The following ARHGAP42 variants were observed in gnomAD, a reference collection of about 807,000 sequenced individuals.
ARHGAP42 encodes rho GTPase-activating protein 42.
Under a neutral mutation model 125.0 loss-of-function variants are expected in ARHGAP42, and 63 were observed. The ratio of observed to expected loss-of-function variants is 0.50; its 90% CI spans 0.41 to 0.62. ARHGAP42 has a LOEUF of 0.62. Among genes scored for constraint, ARHGAP42 ranks in the 20% least tolerant of loss-of-function variants. ARHGAP42 has a pLI of 0.00. For synonymous variants in ARHGAP42, 339 were observed against 351.0 expected, an observed-to-expected ratio of 0.97 and a Z score of 0.38; for missense variants, 766 against 1,024.2, an observed-to-expected ratio of 0.75 and a Z score of 3.44.
rs1858073722 is a variant in ARHGAP42 at position 100,965,702 on chromosome 11, T to C, written c.1476T>C (p.Ala492=). 6.4e-7 allele frequency: 1 copy of C among 1,550,816 alleles called. No individual in the cohort carries two copies. The highest frequency in any genetic ancestry group is 8.7e-7 in the Non-Finnish European group (1 of 1,146,900). Reference sequence around the variant, plus strand: ...ATGATCAAAACTACAGGGTGGAGGCTGTACATGCATTGGTGCACAAATTGC... The same window carrying C: ...ATGATCAAAACTACAGGGTGGAGGCCGTACATGCATTGGTGCACAAATTGC... ...KSDDQNYRVE[A]VHALVHKLPE... The change falls in exon 17 of 24, where the codon GCT becomes GCC. Residue 492 remains alanine (A), a synonymous_variant. Transcript: ENST00000298815.
intron 12 of ARHGAP42, among the ~76,000 whole-genome samples, chr11:100,950,394 G>GT (rs1159170170): frequency 1.3e-5 from 2 of 149,710 alleles, no homozygotes; most frequent in Non-Finnish European, 3.0e-5. Flanking sequence ...ATATAACACA[G>GT]TGGAGAGCTT....
At chr11:100,711,772 C>T (rs747027319) in intron 1 of ARHGAP42, among the ~76,000 whole-genome samples, 2 of 152,158 alleles carry the variant, frequency 1.3e-5, no homozygotes, top group South Asian at 2.1e-4. Flanking sequence ...TAACTGGGCA[C>T]TACACACAGG....
intron 1 of ARHGAP42, among the ~76,000 whole-genome samples, chr11:100,767,032 T>G (rs1410899753): frequency 6.6e-6 from 1 of 152,242 alleles, no homozygotes; most frequent in East Asian, 1.9e-4. Flanking sequence ...CACGGCTTGA[T>G]GGCTTTGCAG....
At chr11:100,859,695 A>C (rs1291041825) in intron 4 of ARHGAP42, 70 bp downstream of exon 4, 2 of 1,230,182 alleles carry the variant, frequency 1.6e-6, no homozygotes, top group Non-Finnish European at 2.2e-6. Flanking sequence ...TTCAGATGTT[A>C]ACATTTTTGA....
intron 4 of ARHGAP42, among the ~76,000 whole-genome samples, chr11:100,913,012 T>G (rs1866966737): frequency 6.6e-6 from 1 of 152,200 alleles, no homozygotes; most frequent in African/African-American, 2.4e-5. Context: ...AGTGGGTTCT[T>G]TAGACATTAT....
At chr11:100,874,005 T>C (rs1865755692) in intron 4 of ARHGAP42, among the ~76,000 whole-genome samples, 1 of 152,204 alleles carries the variant, frequency 6.6e-6, no homozygotes, top group South Asian at 2.1e-4. Context: ...AGAATGTTCA[T>C]AGTTGTCTTT....
chr11:100,975,191 A>G (rs1421385050), intron 19 of ARHGAP42, among the ~76,000 whole-genome samples: 1 of 152,104 alleles, frequency 6.6e-6, no homozygotes, highest in East Asian at 1.9e-4. Context: ...AGTCAATTAT[A>G]TATTTTAAAA....
intron 1 of ARHGAP42, among the ~76,000 whole-genome samples, chr11:100,735,446 G>A (rs529229451): frequency 6.6e-6 from 1 of 151,952 alleles, no homozygotes; most frequent in Admixed American, 6.6e-5. Flanking sequence ...TAGTTTTACA[G>A]GGGCTTTAAA....
chr11:100,850,124 C>CACATAA (rs1865166898), intron 3 of ARHGAP42, among the ~76,000 whole-genome samples: 1 of 152,102 alleles, frequency 6.6e-6, no homozygotes, highest in Non-Finnish European at 1.5e-5. Context: ...TTTTATCACA[C>CACATAA]ACATAAACAT....
intron 1 of ARHGAP42, among the ~76,000 whole-genome samples, chr11:100,708,739 A>G (rs1861516339): frequency 6.6e-6 from 1 of 152,182 alleles, no homozygotes; most frequent in African/African-American, 2.4e-5. Flanking sequence ...TATAAATATT[A>G]TAATTGTATC....
chr11:100,751,258 A>G (rs201022070), intron 1 of ARHGAP42, among the ~76,000 whole-genome samples: 1 of 114,590 alleles, frequency 8.7e-6, no homozygotes, highest in Admixed American at 9.0e-5. Context: ...TATGTGTGTT[A>G]TATATATAGT....
intron 3 of ARHGAP42, among the ~76,000 whole-genome samples, chr11:100,854,765 C>CT (rs1219430887): frequency 6.6e-6 from 1 of 152,074 alleles, no homozygotes; most frequent in African/African-American, 2.4e-5. Context: ...TTCCCCACCC[C>CT]TTGCCAGAAC....
chr11:100,981,952 G>A (rs775482314), intron 22 of ARHGAP42, among the ~76,000 whole-genome samples: 1 of 152,120 alleles, frequency 6.6e-6, no homozygotes, highest in Non-Finnish European at 1.5e-5. Context: ...TGAGGAGGCT[G>A]TGAGGGCCAA....
At position 100,901,413 on chromosome 11, in the gene ARHGAP42, C is replaced by G. The variant is rs7116381; in HGVS notation, c.385-12039C>G. Among the ~76,000 whole-genome samples the G allele has an allele frequency of 7.7e-3, 1,172 of 152,294 alleles. 18 individuals are homozygous for G. Among genetic ancestry groups the G allele is most frequent in the African/African-American group, 0.026 (1,091 of 41,552 alleles). The stretch of plus-strand genomic sequence containing the variant: ...AGTCTGTCTGTTCTCAGAGCTCAAA[C>G]GCTGTGCTGGGAGAACCACTGCTCT... On this transcript the variant is annotated intron_variant, in intron 4 of 23. Transcript: ENST00000298815.
At chr11:100,945,940 G>A (rs189548115) in intron 10 of ARHGAP42, among the ~76,000 whole-genome samples, 3 of 152,128 alleles carry the variant, frequency 2.0e-5, no homozygotes, top group Admixed American at 2.0e-4. Context: ...TTCTATTTGT[G>A]GAAGTCTTAA....
intron 1 of ARHGAP42, among the ~76,000 whole-genome samples, chr11:100,719,102 A>G (rs997150133): frequency 2.6e-5 from 4 of 152,248 alleles, no homozygotes; most frequent in African/African-American, 9.6e-5. Flanking sequence ...ACATTGGACT[A>G]ATTGAAAAAC....
intron 6 of ARHGAP42, among the ~76,000 whole-genome samples, chr11:100,931,580 T>A (rs1867583543): frequency 6.6e-6 from 1 of 152,220 alleles, no homozygotes; most frequent in African/African-American, 2.4e-5. Context: ...TAGCACCTGC[T>A]TTGTATAGCA....
chr11:100,904,254 T>A (rs1213568291), intron 4 of ARHGAP42, among the ~76,000 whole-genome samples: 1 of 151,868 alleles, frequency 6.6e-6, no homozygotes, highest in Non-Finnish European at 1.5e-5. Context: ...TCTCTTTTTT[T>A]TTTTTTTGAG....
At chr11:100,947,789 TTAAC>T (rs1387627961) in intron 10 of ARHGAP42, among the ~76,000 whole-genome samples, 2 of 151,986 alleles carry the variant, frequency 1.3e-5, no homozygotes, top group Non-Finnish European at 2.9e-5. Flanking sequence ...AATTTTCTGT[TTAAC>T]TAAGTTAATT....
Sources: allele counts gnomAD v4.1 joint callset (sites outside exome capture counted in the v4.1 genomes callset), GRCh38; gene constraint gnomAD v4.1.1; transcripts MANE v1.5; gene names NCBI Gene and HGNC (gene_info 2026-07-23, HGNC 2026-07-21).